COL24A1: variants seen among roughly 807,000 people sequenced by gnomAD.
The protein encoded by COL24A1 is collagen type XXIV alpha 1 chain.
COL24A1 carries 224 observed loss-of-function variants against 253.9 expected under a neutral mutation model. That is an observed-to-expected ratio of 0.88 (90% CI 0.79 to 0.99). The LOEUF is 0.99. Among genes scored for constraint, COL24A1 ranks in the 50% least tolerant of loss-of-function variants. The pLI, the probability that COL24A1 is intolerant of heterozygous loss-of-function variation, is 0.00. For synonymous variants in COL24A1, 685 were observed against 673.7 expected (o/e 1.02, Z -0.26); for missense variants, 2,131 against 2,068.5 (o/e 1.03, Z -0.59).
chr1:86,022,325 A>G, intron 17 of COL24A1, 32 bp from the exon 18 acceptor site: 1 of 1,572,396 alleles, frequency 6.4e-7, no homozygotes. Context: ...AGAGAAAGTT[A>G]TTATACCACA....
chr1:85,843,323 G>A (rs536719420), intron 39 of COL24A1, among the ~76,000 whole-genome samples: 1 of 152,126 alleles, frequency 6.6e-6, no homozygotes, highest in African/African-American at 2.4e-5. Flanking sequence ...ATAAGAACAA[G>A]TTTCAGTCTA....
chr1:86,036,348 T>G (rs1699020263), intron 12 of COL24A1, among the ~76,000 whole-genome samples: 1 of 152,172 alleles, frequency 6.6e-6, no homozygotes, highest in Non-Finnish European at 1.5e-5. Flanking sequence ...TAATTCTCTA[T>G]TCTTGATAGA....
At chr1:86,002,061 C>A (rs1695467660) in intron 19 of COL24A1, among the ~76,000 whole-genome samples, 1 of 152,096 alleles carries the variant, frequency 6.6e-6, no homozygotes, top group African/African-American at 2.4e-5. Context: ...TAATAGATAT[C>A]CCCAAAGATC....
At chr1:85,784,474 C>T in intron 48 of COL24A1, 108 bp from the exon 49 acceptor site, 1 of 724,930 alleles carries the variant, frequency 1.4e-6, no homozygotes, top group Non-Finnish European at 2.3e-6. Flanking sequence ...TCCATAAATA[C>T]AAGGCACTGG....
intron 19 of COL24A1, among the ~76,000 whole-genome samples, chr1:85,995,643 G>T (rs920404283): frequency 1.3e-5 from 2 of 152,130 alleles, no homozygotes; most frequent in Non-Finnish European, 2.9e-5. Context: ...AAATTTGGGG[G>T]TTTGATGGGT....
At chr1:85,775,380 A>G (rs982636193) in intron 53 of COL24A1, among the ~76,000 whole-genome samples, 55 of 152,116 alleles carry the variant, frequency 3.6e-4, no homozygotes, top group Non-Finnish European at 6.0e-4. Context: ...GCAGATGTCT[A>G]TTAGGTCCGC....
At chr1:86,032,671 G>T (rs1241848182) in intron 13 of COL24A1, among the ~76,000 whole-genome samples, 1 of 151,944 alleles carries the variant, frequency 6.6e-6, no homozygotes, top group African/African-American at 2.4e-5. Context: ...TTCAAATTCT[G>T]TTTGGAAACA....
chr1:85,856,982 T>A (rs1678502569), intron 37 of COL24A1, among the ~76,000 whole-genome samples: 1 of 151,946 alleles, frequency 6.6e-6, no homozygotes, highest in Non-Finnish European at 1.5e-5. Flanking sequence ...ATAGGGGAAG[T>A]AAAGAGAAGC....
At chr1:86,020,057 CTTTCTTTTTTTTTTTTT>C (rs1697360090) in intron 18 of COL24A1, among the ~76,000 whole-genome samples, 1 of 82,320 alleles carries the variant, frequency 1.2e-5, no homozygotes, top group South Asian at 3.8e-4. Context: ...TTTTTTCATT[CTTTCTTTTTTTTTTTTT>C]TTTTTTTTTT....
intron 2 of COL24A1, among the ~76,000 whole-genome samples, chr1:86,133,887 C>T (rs1649745905): frequency 6.6e-6 from 1 of 152,106 alleles, no homozygotes; most frequent in African/African-American, 2.4e-5. Context: ...AGGATTCCCT[C>T]TTTTTCTATT....
Position 85,818,092 on chromosome 1 carries a change from A to G in COL24A1, c.3790-5T>C. 6.2e-7 allele frequency: 1 copy of G among 1,612,652 alleles called. No homozygotes were observed. Among genetic ancestry groups the G allele is most frequent in the East Asian group, 2.2e-5 (1 of 44,860 alleles). On this transcript the variant is annotated splice_polypyrimidine_tract_variant and splice_region_variant and intron_variant, in intron 45 of 59. Transcript: ENST00000370571. The stretch of plus-strand genomic sequence containing the variant: ...TCCTTTTTTCCCCTTATTACCCTAA[A>G]GATGGAAAGCACAGTTGTCAATTGA...
intron 55 of COL24A1, among the ~76,000 whole-genome samples, chr1:85,748,203 T>C (rs1570442349): frequency 6.6e-6 from 1 of 152,340 alleles, no homozygotes; most frequent in East Asian, 1.9e-4. Flanking sequence ...TTCATTCATT[T>C]TCAAGAAAAT....
Position 85,842,354 on chromosome 1 carries a change from T to C in COL24A1, c.3502A>G (p.Ile1168Val). ...GLMGPDGEPG[I>V]PGYRGHQGQP... Reference sequence around the variant, plus strand: ...TAAATACTTACCCTGTACCCTGGAATTCCTGGTTCTCCATCAGGTCCCATC... The same window carrying C: ...TAAATACTTACCCTGTACCCTGGAACTCCTGGTTCTCCATCAGGTCCCATC... Residue 1168 changes from isoleucine to valine, a missense_variant, in exon 40 of 60, where the codon ATT becomes GTT. Transcript: ENST00000370571. 6.2e-7 allele frequency: 1 copy of C among 1,600,674 alleles called. No individual in the cohort carries two copies. Among genetic ancestry groups the C allele is most frequent in the Non-Finnish European group, 8.5e-7 (1 of 1,172,780 alleles).
Position 85,868,576 on chromosome 1 carries a change from C to A in COL24A1, c.3243G>T (p.Glu1081Asp), listed in dbSNP as rs747767353. ...GTCCTATAATTCCTGGTAAGCCCAT[C>A]TCTCCTTTTTCTCCATCCTCTCCAG... ...GLPGEDGEKG[E>D]MGLPGIIGPL... is the part of the protein sequence containing the mutation. The change falls in exon 37 of 60, where the codon GAG becomes GAT. Residue 1081 changes from glutamate (E) to aspartate (D), a missense_variant. Physicochemically the swap from Glu to Asp is conservative, Grantham distance 45 (BLOSUM62 2). Transcript: ENST00000370571. 1 of 1,613,814 alleles carries A rather than the reference C, an allele frequency of 6.2e-7. No individual in the cohort carries two copies. The highest frequency in any genetic ancestry group is 1.1e-5 in the South Asian group (1 of 91,074).
Position 86,103,848 on chromosome 1 carries a change from C to T in COL24A1, c.1599+8719G>A, listed in dbSNP as rs151111522. Among the ~76,000 whole-genome samples the T allele has an allele frequency of 1.2e-4, 18 of 152,186 alleles. No homozygotes were observed. In the East Asian group the frequency reaches 2.3e-3, roughly 20 times the overall value. The stretch of plus-strand genomic sequence containing the variant: ...TTCCTTTCAACCTTGGAGAATCTGA[C>T]GATTATGTGTCTTGGGGATGATCTT... On this transcript the variant is annotated intron_variant, in intron 5 of 59. Coordinates refer to ENST00000370571, the MANE Select transcript of COL24A1 (RefSeq NM_152890.7).
At chr1:85,775,633 A>C (rs374908126) in intron 53 of COL24A1, 41 bp downstream of exon 53, 3 of 1,533,984 alleles carry the variant, frequency 2.0e-6, no homozygotes, top group African/African-American at 2.8e-5. Context: ...CTTATAGCCT[A>C]GTGTCAGGGT....
intron 19 of COL24A1, among the ~76,000 whole-genome samples, chr1:85,992,599 A>G (rs1694390926): frequency 6.6e-6 from 1 of 152,184 alleles, no homozygotes; most frequent in Non-Finnish European, 1.5e-5. Flanking sequence ...TTACAGATTG[A>G]AAAATAAAAA....
chr1:85,970,134 A>T, intron 22 of COL24A1, 93 bp downstream of exon 22: 1 of 1,158,890 alleles, frequency 8.6e-7, no homozygotes, highest in Non-Finnish European at 1.2e-6. Context: ...TTTGTCCTTT[A>T]CTATAATGTA....
rs891450985 is a variant in COL24A1 at position 85,872,129 on chromosome 1, G to A, written c.3138+2520C>T. Among the ~76,000 whole-genome samples, 32 of 152,112 alleles carry A rather than the reference G, an allele frequency of 2.1e-4. 1 individual carries two copies. In the South Asian group the frequency reaches 6.2e-3, roughly 30 times the overall value. ...AGAGAATAAAATACCTAGGAATCCA[G>A]CTTACAAGGGATGTGAAGGACCTCT... On this transcript the variant is annotated intron_variant, in intron 35 of 59. Transcript: ENST00000370571.
Sources: allele counts gnomAD v4.1 joint callset (sites outside exome capture counted in the v4.1 genomes callset), GRCh38; gene constraint gnomAD v4.1.1; transcripts MANE v1.5; gene names NCBI Gene and HGNC (gene_info 2026-07-23, HGNC 2026-07-21).